The following PRH1 variants were observed in gnomAD, a reference collection of about 807,000 sequenced individuals.
The protein encoded by PRH1 is salivary acidic proline-rich phosphoprotein 1/2.
Under a neutral mutation model 7.9 loss-of-function variants are expected in PRH1, and 7 were observed. The observed-to-expected ratio is 0.89, with a 90% CI of 0.50 to 1.67. The LOEUF (loss-of-function observed/expected upper bound fraction) is 1.67. Ranked by LOEUF, PRH1 falls within the 40% of genes most tolerant of loss-of-function variation. The probability of loss-of-function intolerance (pLI) is 0.00; values close to 1 mark genes in which losing one functional copy is unlikely to be tolerated. For synonymous variants in PRH1, 45 were observed against 80.8 expected (o/e 0.56, Z 2.38); for missense variants, 109 against 223.6 (o/e 0.49, Z 3.27).
rs1218249639 is a variant in PRH1 at position 11,082,637 on chromosome 12, T to C, written n.124-35449A>G. ...CGATATTATTCTCAGAATCAGGCCT[T>C]GACAAATACCCTCAACTAGCATTTC... On this transcript the variant is annotated intron_variant and non_coding_transcript_variant, in intron 1 of 4. Coordinates refer to the PRH1 transcript ENST00000541977. Among the ~76,000 whole-genome samples the C allele has an allele frequency of 1.8e-5, 2 of 113,360 alleles. 1 individual carries two copies. Among genetic ancestry groups the C allele is most frequent in the Non-Finnish European group, 4.2e-5 (2 of 48,068 alleles). The allele number at this position is 113,360 out of a possible 152,430, so 74.4% of individuals were successfully genotyped here. A position where few individuals can be genotyped will look rare whatever the true frequency, so the allele number is the denominator to read the frequency against.
At chr12:11,165,884 C>T (rs188091084) in intron 1 of PRH1, among the ~76,000 whole-genome samples, 1 of 152,352 alleles carries the variant, frequency 6.6e-6, no homozygotes, top group East Asian at 1.9e-4. Context: ...ATAGAGAAGG[C>T]TCTTTCTACA....
intron 1 of PRH1, among the ~76,000 whole-genome samples, chr12:11,149,986 AACCCCATC>A (rs1292492936): frequency 7.8e-6 from 1 of 127,714 alleles, no homozygotes; most frequent in East Asian, 2.0e-4. Context: ...AAAAACAGAC[AACCCCATC>A]AAAAAGTGGG....
intron 1 of PRH1, chr12:10,986,889 C>T: frequency 7.0e-7 from 1 of 1,431,080 alleles, no homozygotes; most frequent in Non-Finnish European, 9.3e-7. Flanking sequence ...AAAGAAAATG[C>T]AAGCCTAATA....
intron 1 of PRH1, among the ~76,000 whole-genome samples, chr12:11,020,363 G>GATATATATATATAT (rs71051554): frequency 0.025 from 2,138 of 87,122 alleles, 184 homozygotes; most frequent in African/African-American, 0.064. Context: ...TATGATAAGC[G>GATATATATATATAT]ATATATATAT....
intron 1 of PRH1, among the ~76,000 whole-genome samples, chr12:10,974,740 C>G (rs1449232897): frequency 6.6e-6 from 1 of 152,144 alleles, no homozygotes; most frequent in Admixed American, 6.5e-5. Flanking sequence ...CAGAGAATGT[C>G]TTCTTACCTC....
chr12:10,952,330 G>T (rs1175583315), intron 2 of PRH1, among the ~76,000 whole-genome samples: 1 of 152,174 alleles, frequency 6.6e-6, no homozygotes, highest in African/African-American at 2.4e-5. Context: ...CACCTGAAAT[G>T]AAATCCAGCA....
chr12:11,139,280 G>A (rs1415212746), intron 1 of PRH1, among the ~76,000 whole-genome samples: 1 of 152,028 alleles, frequency 6.6e-6, no homozygotes, highest in East Asian at 1.9e-4. Context: ...CATTAACATT[G>A]ATGTTACCAA....
chr12:10,918,310 A>T (rs1242398005), intron 2 of PRH1, among the ~76,000 whole-genome samples: 2 of 152,130 alleles, frequency 1.3e-5, no homozygotes, highest in Non-Finnish European at 2.9e-5. Flanking sequence ...GCAGCAAACC[A>T]CCATGGCACA....
At chr12:11,086,277 A>C (rs1226250258) in intron 1 of PRH1, among the ~76,000 whole-genome samples, 6 of 144,638 alleles carry the variant, frequency 4.1e-5, no homozygotes, top group Non-Finnish European at 6.1e-5. Flanking sequence ...TAATACTTAA[A>C]TCTTAGTTAT....
intron 1 of PRH1, chr12:10,986,882 G>A: frequency 6.9e-7 from 1 of 1,451,390 alleles, no homozygotes; most frequent in Middle Eastern, 2.1e-4. Flanking sequence ...AAAAAAGAAA[G>A]AAAATGCAAG....
chr12:11,137,436 T>C (rs910017530), intron 1 of PRH1, among the ~76,000 whole-genome samples: 1 of 152,188 alleles, frequency 6.6e-6, no homozygotes. Flanking sequence ...AACTCCATCA[T>C]CACTCACTCA....
At chr12:11,118,072 C>T (rs1041180185), downstream of PRH1, among the ~76,000 whole-genome samples, 2 of 152,078 alleles carry the variant, frequency 1.3e-5, no homozygotes, top group South Asian at 2.1e-4. Flanking sequence ...ATTGGGATCA[C>T]ATCAAGTTAA....
chr12:11,067,252 C>A (rs1943863853), intron 1 of PRH1, among the ~76,000 whole-genome samples: 1 of 152,080 alleles, frequency 6.6e-6, no homozygotes, highest in South Asian at 2.1e-4. Flanking sequence ...AAATATTTTA[C>A]CCAACACACA....
intron 1 of PRH1, among the ~76,000 whole-genome samples, chr12:10,988,703 T>C (rs935986738): frequency 9.2e-5 from 14 of 152,102 alleles, no homozygotes; most frequent in Non-Finnish European, 1.9e-4. Context: ...ACATGTCACA[T>C]TGCAAATAGC....
chr12:11,020,575 C>G (rs1941569096), intron 1 of PRH1, among the ~76,000 whole-genome samples: 1 of 151,900 alleles, frequency 6.6e-6, no homozygotes. Flanking sequence ...ATGGATACAT[C>G]AACACACTGT....
chr12:10,977,211 T>C (rs190077466), intron 1 of PRH1, among the ~76,000 whole-genome samples: 248 of 152,300 alleles, frequency 1.6e-3, no homozygotes, highest in African/African-American at 5.7e-3. Context: ...AAAAAGCTAA[T>C]CCACCATAAT....
intron 1 of PRH1, among the ~76,000 whole-genome samples, chr12:11,098,233 A>G (rs1158055103): frequency 6.7e-6 from 1 of 149,356 alleles, no homozygotes; most frequent in Non-Finnish European, 1.5e-5. Context: ...GAATATCCTG[A>G]CCTTAAATTC....
At chr12:10,964,598 A>G in intron 2 of PRH1, 1 of 392,182 alleles carries the variant, frequency 2.5e-6, no homozygotes. Flanking sequence ...CCTCCTCCTA[A>G]AATTCCAAAT....
chr12:10,957,011 C>T (rs369967967), intron 2 of PRH1, among the ~76,000 whole-genome samples: 69 of 151,794 alleles, frequency 4.5e-4, no homozygotes, highest in African/African-American at 1.5e-3. Flanking sequence ...AGATTCAATG[C>T]TATTCCTGTC....
Sources: gnomAD v4.1 joint callset for allele counts (sites outside exome capture counted in the v4.1 genomes callset) on GRCh38, gnomAD v4.1.1 for gene constraint, MANE v1.5 for transcripts, NCBI Gene and HGNC (gene_info 2026-07-23, HGNC 2026-07-21) for gene names.